Variants in FGF17 observed in about 807,000 individuals in gnomAD.
FGF17 encodes fibroblast growth factor 17.
A neutral mutation model predicts 23.5 loss-of-function variants in FGF17; 5 were observed. The observed-to-expected ratio is 0.21, with a 90% CI of 0.11 to 0.45. The LOEUF is 0.45. Ranked by LOEUF, FGF17 falls within the 20% of genes least tolerant of loss-of-function variation. The pLI is 0.99. For synonymous variants in FGF17, 136 were observed against 123.0 expected (o/e 1.11, Z -0.70); for missense variants, 221 against 306.9 (o/e 0.72, Z 2.09).
In FGF17 at chr8:22,046,203, G is replaced by A; in HGVS notation, c.162G>A (p.Glu54=). 1 of 1,614,084 alleles carries A rather than the reference G, an allele frequency of 6.2e-7. No homozygotes were observed. Among genetic ancestry groups the A allele is most frequent in the Non-Finnish European group, 8.5e-7 (1 of 1,180,046 alleles). The change falls in exon 3 of 5, where the codon GAG becomes GAA. Residue 54 remains glutamate, a synonymous_variant. Coordinates refer to ENST00000359441, the MANE Select transcript of FGF17 (RefSeq NM_003867.4). The part of the protein sequence containing the change: ...TDQLSRRQIR[E]YQLYSRTSGK... ...AGCTGAGCAGGCGGCAGATCCGCGA[G>A]TACCAACTCTACAGCAGGACCAGTG...
At chr8:22,047,390 G>A (rs192296971) in intron 4 of FGF17, among the ~76,000 whole-genome samples, 6 of 152,314 alleles carry the variant, frequency 3.9e-5, no homozygotes, top group Admixed American at 2.0e-4. Context: ...GGGCCCTGCT[G>A]GGTGGGAGAA....
At chr8:22,042,692 C>T (rs1800758412), upstream of FGF17, 1 of 604,404 alleles carries the variant, frequency 1.7e-6, no homozygotes, top group Non-Finnish European at 2.9e-6. Flanking sequence ...TGCTTTGCAG[C>T]CTCACTGGCC....
At chr8:22,044,725 G>A in intron 2 of FGF17, 1 of 985,520 alleles carries the variant, frequency 1.0e-6, no homozygotes, top group Non-Finnish European at 1.2e-6. Flanking sequence ...GCTGCTCTAT[G>A]GGGAGGTGCA....
In FGF17 at chr8:22,046,624, C is replaced by G; in HGVS notation, c.348C>G (p.Leu116=). 1 of 1,611,836 alleles carries G rather than the reference C, an allele frequency of 6.2e-7. No individual in the cohort carries two copies. The highest frequency in any genetic ancestry group is 8.5e-7 in the Non-Finnish European group (1 of 1,178,042). Residue 116 remains leucine, a synonymous_variant, in exon 4 of 5, where the codon CTC becomes CTG. Transcript: ENST00000359441. The part of the protein sequence containing the change: ...KYICMNKRGK[L]IGKPSGKSKD... The stretch of plus-strand genomic sequence containing the variant: ...TCTGTATGAACAAGAGGGGCAAGCT[C>G]ATCGGGAAGGTGAGGCTGGGAGACT...
chr8:22,045,456 GA>G (rs1800845178), intron 2 of FGF17: 3 of 990,144 alleles, frequency 3.0e-6, no homozygotes, highest in Middle Eastern at 4.5e-4. Context: ...AGGAACACTG[GA>G]AGGGCCCTGA....
intron 2 of FGF17, chr8:22,044,769 A>G (rs1209255916): frequency 1.0e-6 from 1 of 985,342 alleles, no homozygotes; most frequent in Non-Finnish European, 1.2e-6. Context: ...AGTAAGTGTT[A>G]ACCCCGCGCA....
In FGF17 at chr8:22,046,155, G is replaced by A. The variant is rs1187706280; in HGVS notation, c.114G>A (p.Arg38=). ...CTCCTAATTTTAACCAGTACGTGAG[G>A]GACCAGGGCGCCATGACCGACCAGC... is the stretch of plus-strand genomic sequence containing the variant. ...HPSPNFNQYV[R]DQGAMTDQLS... The change falls in exon 3 of 5, where the codon AGG becomes AGA. Residue 38 remains arginine, a synonymous_variant. Transcript: ENST00000359441. 1 of 1,614,056 alleles carries A rather than the reference G, an allele frequency of 6.2e-7. No individual in the cohort carries two copies. The highest frequency in any genetic ancestry group is 1.3e-5 in the African/African-American group (1 of 74,950).
chr8:22,040,016 C>T (rs1800715093), upstream of FGF17, among the ~76,000 whole-genome samples: 1 of 152,118 alleles, frequency 6.6e-6, no homozygotes, highest in Non-Finnish European at 1.5e-5. Context: ...TCTCAGTTCC[C>T]TTATCACCTC....
chr8:22,041,813 T>A (rs778108037), upstream of FGF17, among the ~76,000 whole-genome samples: 10 of 152,194 alleles, frequency 6.6e-5, no homozygotes, highest in Non-Finnish European at 1.3e-4. Context: ...ATCTGCAAAA[T>A]GGGCTAGTCG....
At chr8:22,043,407 CCCCTGGGT>C (rs1384462537) in intron 2 of FGF17, among the ~76,000 whole-genome samples, 3 of 152,174 alleles carry the variant, frequency 2.0e-5, no homozygotes, top group Non-Finnish European at 4.4e-5. Context: ...CTCCCCACTT[CCCCTGGGT>C]CTCTGCTCCT....
At chr8:22,047,878 C>A in intron 4 of FGF17, 78 bp from the exon 5 acceptor site, 1 of 1,452,350 alleles carries the variant, frequency 6.9e-7, no homozygotes, top group Non-Finnish European at 9.3e-7. Context: ...CCTCAGTCGT[C>A]CAAAATAGGC....
At chr8:22,041,102 C>T (rs2077478), upstream of FGF17, among the ~76,000 whole-genome samples, 55,284 of 152,006 alleles carry the variant, frequency 0.36, 10,403 homozygotes, top group East Asian at 0.56. Flanking sequence ...ATGATGAATC[C>T]CTAAGACCCC....
rs201297515 is a variant in FGF17, at chr8:22,046,563, G to A, written c.287G>A (p.Arg96Gln). The A allele has an allele frequency of 4.3e-6, 7 of 1,613,858 alleles. No individual in the cohort carries two copies. Among genetic ancestry groups the A allele is most frequent in the Non-Finnish European group, 5.9e-6 (7 of 1,179,936 alleles). Residue 96 changes from arginine to glutamine, a missense_variant, in exon 4 of 5, where the codon CGG becomes CAG. Transcript: ENST00000359441. ...GTGGAGACGGACACGTTTGGCAGCC[G>A]GGTTCGCATCAAAGGGGCTGAGAGT... Reference protein sequence around the residue: ...LIVETDTFGSRVRIKGAESEK... With the variant: ...LIVETDTFGSQVRIKGAESEK...
chr8:22,048,082 G>C lies in FGF17; in HGVS notation c.484G>C (p.Ala162Pro). Residue 162 changes from alanine to proline, a missense_variant, in exon 5 of 5, where the codon GCT becomes CCT. By Grantham distance (27) the Ala-to-Pro change is conservative. Coordinates refer to ENST00000359441, the MANE Select transcript of FGF17 (RefSeq NM_003867.4). The surrounding 1 kb of genome is among the most constrained non-coding windows in gnomAD (Gnocchi z 6.9). The stretch of plus-strand genomic sequence containing the variant: ...CACGCGGCAGGGGCGGCCCCGCCAG[G>C]CTTCCCGCAGCCGCCAGAACCAGCG... ...AFTRQGRPRQ[A>P]SRSRQNQREA... 6.2e-7 allele frequency: 1 copy of C among 1,612,744 alleles called. No homozygotes were observed. The highest frequency in any genetic ancestry group is 1.1e-5 in the South Asian group (1 of 91,070).
chr8:22,042,912 G>A lies in FGF17; in HGVS notation c.-17G>A, dbSNP rs1563362584. The A allele has an allele frequency of 1.2e-6, 2 of 1,613,244 alleles. No individual in the cohort carries two copies. ...CTTGGGGGCAGGGGGGCAACCGCCT[G>A]AGGAACCTCTCCAGCGATGGGAGCC... On this transcript the variant is annotated 5_prime_UTR_variant, in exon 1 of 5. Coordinates refer to ENST00000359441, the MANE Select transcript of FGF17 (RefSeq NM_003867.4).
At chr8:22,040,575 T>C (rs1198992106), upstream of FGF17, among the ~76,000 whole-genome samples, 1 of 152,234 alleles carries the variant, frequency 6.6e-6, no homozygotes, top group African/African-American at 2.4e-5. Flanking sequence ...TGGCATCTGT[T>C]ACCATGGAGA....
At chr8:22,045,135 T>C (rs1800836636) in intron 2 of FGF17, 2 of 985,460 alleles carry the variant, frequency 2.0e-6, no homozygotes, top group Non-Finnish European at 2.4e-6. Flanking sequence ...GCCTTACAGA[T>C]GGGTAACGAG....
In FGF17 at chr8:22,045,244, G is replaced by A. The variant is rs965810091; in HGVS notation, c.73-870G>A. The A allele has an allele frequency of 4.3e-5, 42 of 985,570 alleles. No individual in the cohort carries two copies. The East Asian group carries it at 7.9e-4, about 19-fold the overall frequency. The allele number at this position is 985,570 out of a possible 1,614,324, so 61.1% of individuals were successfully genotyped here. A position where few individuals can be genotyped will look rare whatever the true frequency, so the allele number is the denominator to read the frequency against. On this transcript the variant is annotated intron_variant, in intron 2 of 4. Transcript: ENST00000359441. Reference sequence around the variant, plus strand: ...CCAAAGGGGAAGCAGGTGGGCGGGCGCATCCCACCAACTGGCCAGGAGCCT... The same window carrying A: ...CCAAAGGGGAAGCAGGTGGGCGGGCACATCCCACCAACTGGCCAGGAGCCT...
chr8:22,043,602 G>T (rs924951249), intron 2 of FGF17, among the ~76,000 whole-genome samples: 6 of 152,158 alleles, frequency 3.9e-5, no homozygotes, highest in Non-Finnish European at 8.8e-5. Context: ...CAATATGGAT[G>T]CCTGGGGTGG....
Sources: gnomAD v4.1 joint callset for allele counts (sites outside exome capture counted in the v4.1 genomes callset) on GRCh38, gnomAD v4.1.1 for gene constraint, Gnocchi (gnomAD v3.1) non-coding constraint, MANE v1.5 for transcripts, NCBI Gene and HGNC (gene_info 2026-07-23, HGNC 2026-07-21) for gene names.